SEMA4B: variants seen among roughly 807,000 people sequenced by gnomAD.
SEMA4B encodes semaphorin 4B.
In SEMA4B, 55 loss-of-function variants were observed where a neutral mutation model predicts 88.1. That is an observed-to-expected ratio of 0.62 (90% CI 0.50 to 0.78). SEMA4B has a LOEUF of 0.78. Among genes scored for constraint, SEMA4B ranks in the 30% least tolerant of loss-of-function variants. SEMA4B has a pLI of 0.00. For missense variants in SEMA4B, 1,062 were observed against 1,111.9 expected, an observed-to-expected ratio of 0.96 and a Z score of 0.64; for synonymous variants, 525 against 473.6, an observed-to-expected ratio of 1.11 and a Z score of -1.41.
At position 90,228,774 on chromosome 15, in the gene SEMA4B, GC is replaced by G. The variant is rs375451372; in HGVS notation, c.*133del. 1.0e-5 allele frequency: 12 copies of G among 1,171,002 alleles called. No individual in the cohort carries two copies. In the African/African-American group the frequency reaches 1.2e-4, roughly 12 times the overall value. The allele number at this position is 1,171,002 out of a possible 1,614,324, so 72.5% of individuals were successfully genotyped here. A position where few individuals can be genotyped will look rare whatever the true frequency, so the allele number is the denominator to read the frequency against. On this transcript the variant is annotated 3_prime_UTR_variant, in exon 14 of 14. Coordinates refer to ENST00000411539, the MANE Select transcript of SEMA4B (RefSeq NM_198925.4). ...GTGCCCGGCCCTTGGGAGCCTTGGG[GC>G]CAGCTGGCCTGCTGCTCTCCAGTCA...
At position 90,212,299 on chromosome 15, in the gene SEMA4B, G is replaced by C. The variant is rs1195095348; in HGVS notation, c.158-5140G>C. On this transcript the variant is annotated intron_variant, in intron 1 of 13. Coordinates refer to ENST00000411539, the MANE Select transcript of SEMA4B (RefSeq NM_198925.4). This position sits in a 1 kb window ranked among gnomAD's most constrained non-coding sequence, Gnocchi z 4.0. The stretch of plus-strand genomic sequence containing the variant: ...GCCTTTTTGAAGGATGATCTGCCTA[G>C]TGGGATGCACTGGCCTTGGTGAAGC... 6.6e-6 allele frequency among the ~76,000 whole-genome samples: 1 copy of C among 152,326 alleles called. No homozygotes were observed. Among genetic ancestry groups the C allele is most frequent in the East Asian group, 1.9e-4 (1 of 5,170 alleles).
rs774693298 is a variant in SEMA4B, at chr15:90,225,187, CT to C, written c.1405+10del. On this transcript the variant is annotated intron_variant, in intron 10 of 13. Coordinates refer to ENST00000411539, the MANE Select transcript of SEMA4B (RefSeq NM_198925.4). Reference sequence around the variant, plus strand: ...CCTCTTCCTGGGCACTGGTAAGTGTCTGCAGCCCAGCAGGCTCAGGGGAAGG... The same window carrying C: ...CCTCTTCCTGGGCACTGGTAAGTGTCGCAGCCCAGCAGGCTCAGGGGAAGG... 3.8e-6 allele frequency: 6 copies of C among 1,586,280 alleles called. No individual in the cohort carries two copies.
intron 1 of SEMA4B, among the ~76,000 whole-genome samples, chr15:90,213,473 G>C (rs1340589871): frequency 2.0e-5 from 3 of 152,264 alleles, no homozygotes; most frequent in Non-Finnish European, 4.4e-5. Context: ...CATGGCTGGA[G>C]GGCTTGTGGC....
upstream of SEMA4B, among the ~76,000 whole-genome samples, chr15:90,201,044 C>T (rs915079203): frequency 3.3e-5 from 5 of 152,208 alleles, no homozygotes; most frequent in African/African-American, 4.8e-5. Context: ...GCAGCGTGTC[C>T]CCAAACCAAC....
At chr15:90,220,460 T>C (rs920516731) in intron 4 of SEMA4B, among the ~76,000 whole-genome samples, 5 of 147,180 alleles carry the variant, frequency 3.4e-5, no homozygotes, top group Non-Finnish European at 1.5e-5. Flanking sequence ...CTCTGCCTCC[T>C]GGGTTCACGC....
In SEMA4B at chr15:90,223,842, A is replaced by G; in HGVS notation, c.1048A>G (p.Arg350Gly). 1 of 1,613,854 alleles carries G rather than the reference A, an allele frequency of 6.2e-7. No individual in the cohort carries two copies. Among genetic ancestry groups the G allele is most frequent in the Non-Finnish European group, 8.5e-7 (1 of 1,179,822 alleles). The change falls in exon 9 of 14, where the codon AGG becomes GGG. Residue 350 changes from arginine (R) to glycine (G), a missense_variant. By Grantham distance (125) the Arg-to-Gly change is moderately radical. Transcript: ENST00000411539. ...FYGVFTSQWH[R>G]GTTEGSAVCV... ...ATCTGGTTATTTCCTCTGCAGGCACAGGGGAACTACAGAAGGCTCTGCCGT... is the reference window on the plus strand; with the variant it reads ...ATCTGGTTATTTCCTCTGCAGGCACGGGGGAACTACAGAAGGCTCTGCCGT...
chr15:90,221,561 C>A (rs146216793), intron 6 of SEMA4B, 53 bp from the exon 7 acceptor site: 2 of 1,609,016 alleles, frequency 1.2e-6, no homozygotes, highest in African/African-American at 1.3e-5. Flanking sequence ...CCCAGCTTGG[C>A]CTGTCTCCAG....
At chr15:90,188,798 G>C in intron 1 of SEMA4B, among the ~76,000 whole-genome samples, 1 of 151,898 alleles carries the variant, frequency 6.6e-6, no homozygotes, top group East Asian at 2.0e-4. Context: ...CTCCCGAGTA[G>C]CTGGGACTAC....
chr15:90,225,178 G>A lies in SEMA4B; in HGVS notation c.1405G>A (p.Gly469Ser). Residue 469 changes from glycine to serine, a missense_variant and splice_region_variant, in exon 10 of 14, where the codon GGT becomes AGT. Transcript: ENST00000411539. The stretch of plus-strand genomic sequence containing the variant: ...CTACGATGTCCTCTTCCTGGGCACT[G>A]GTAAGTGTCTGCAGCCCAGCAGGCT... ...HTYDVLFLGT[G>S]DGRLHKAVSV... is the part of the protein sequence containing the mutation. The A allele has an allele frequency of 6.3e-7, 1 of 1,594,920 alleles. No homozygotes were observed. Among genetic ancestry groups the A allele is most frequent in the Non-Finnish European group, 8.5e-7 (1 of 1,170,642 alleles).
intron 1 of SEMA4B, among the ~76,000 whole-genome samples, chr15:90,210,346 G>T (rs1278597657): frequency 6.6e-6 from 1 of 152,128 alleles, no homozygotes; most frequent in African/African-American, 2.4e-5. Flanking sequence ...TTTGGGGATC[G>T]CCAGCATCCG....
In SEMA4B at chr15:90,188,501, G is replaced by GCA. The variant is rs1960242427; in HGVS notation, c.-122+3421_-122+3422insAC. Among the ~76,000 whole-genome samples, 12 of 151,866 alleles carry GCA rather than the reference G, an allele frequency of 7.9e-5. No homozygotes were observed. In the South Asian group the frequency reaches 2.3e-3, roughly 29 times the overall value. On this transcript the variant is annotated intron_variant, in intron 1 of 14. Coordinates refer to the SEMA4B transcript ENST00000332496. Reference sequence around the variant, plus strand: ...AAATTAGCCAGGCATGGTGGCGCATGCCTGTAATCCCAGCTACCCGGGAGG... The same window carrying GCA: ...AAATTAGCCAGGCATGGTGGCGCATGCACCTGTAATCCCAGCTACCCGGGAGG...
chr15:90,226,739 A>G (rs1962192285), intron 12 of SEMA4B, among the ~76,000 whole-genome samples: 1 of 152,194 alleles, frequency 6.6e-6, no homozygotes, highest in Non-Finnish European at 1.5e-5. Context: ...ACAAAAACCA[A>G]GTGAGTTTTG....
intron 1 of SEMA4B, among the ~76,000 whole-genome samples, chr15:90,214,350 C>T (rs956197958): frequency 6.9e-5 from 9 of 131,280 alleles, no homozygotes; most frequent in African/African-American, 2.6e-4. Context: ...AAAAAAAGGG[C>T]TGAGCTGCTG....
intron 1 of SEMA4B, among the ~76,000 whole-genome samples, chr15:90,204,669 C>T (rs898353099): frequency 6.6e-6 from 1 of 152,166 alleles, no homozygotes; most frequent in African/African-American, 2.4e-5. Flanking sequence ...GAAACAATGG[C>T]GCCCAGTGCT....
chr15:90,192,791 A>T lies in SEMA4B; in HGVS notation c.-122+7710A>T, dbSNP rs138171173. ...CTTTTAGTAGAGATGGGGTTTTGCC[A>T]TATTGGCCAGGCTGGTCTCAAACTC... On this transcript the variant is annotated intron_variant, in intron 1 of 14. Coordinates refer to the SEMA4B transcript ENST00000332496. 2.6e-3 allele frequency among the ~76,000 whole-genome samples: 389 copies of T among 152,112 alleles called. 2 individuals are homozygous for T. Among genetic ancestry groups the T allele is most frequent in the Middle Eastern group, 0.014 (4 of 294 alleles).
In SEMA4B at chr15:90,228,839, G is replaced by A. The variant is rs545867410; in HGVS notation, c.*196G>A. The A allele has an allele frequency of 8.1e-5, 59 of 724,250 alleles. No homozygotes were observed. Among genetic ancestry groups the A allele is most frequent in the African/African-American group, 4.1e-4 (23 of 56,046 alleles). 44.9% of individuals were successfully genotyped at this position (724,250 alleles called of 1,614,324 possible). ...CTACCACCCAGACACCCAAACAGCC[G>A]TGGCCCCAGAGGTCCTGGCCAAATA... On this transcript the variant is annotated 3_prime_UTR_variant, in exon 14 of 14. Transcript: ENST00000411539.
upstream of SEMA4B, among the ~76,000 whole-genome samples, chr15:90,197,842 T>C (rs1960563236): frequency 6.6e-6 from 1 of 152,130 alleles, no homozygotes; most frequent in Non-Finnish European, 1.5e-5. Context: ...TGTATGATAA[T>C]AGAATCAGTT....
chr15:90,216,238 G>A (rs1961529502), intron 1 of SEMA4B, among the ~76,000 whole-genome samples: 1 of 152,054 alleles, frequency 6.6e-6, no homozygotes, highest in South Asian at 2.1e-4. Context: ...AAAGTGCTGG[G>A]ATTATAGGTG....
upstream of SEMA4B, among the ~76,000 whole-genome samples, chr15:90,197,449 T>C (rs1567043773): frequency 6.6e-6 from 1 of 151,938 alleles, no homozygotes; most frequent in Non-Finnish European, 1.5e-5. Flanking sequence ...CCAATTTTTG[T>C]TTTTTTGGGA....
Sources: gnomAD v4.1 joint callset for allele counts (sites outside exome capture counted in the v4.1 genomes callset) on GRCh38, gnomAD v4.1.1 for gene constraint, Gnocchi (gnomAD v3.1) non-coding constraint, MANE v1.5 for transcripts, NCBI Gene and HGNC (gene_info 2026-07-23, HGNC 2026-07-21) for gene names.